CECR2: variants seen among roughly 807,000 people sequenced by gnomAD.
CECR2 encodes CECR2 histone acetyl-lysine reader.
In CECR2, 30 loss-of-function variants were observed where a neutral mutation model predicts 154.5. That is an observed-to-expected ratio of 0.19 (90% CI 0.15 to 0.26). The LOEUF (loss-of-function observed/expected upper bound fraction) is 0.26. Ranked by LOEUF, CECR2 falls within the 10% of genes least tolerant of loss-of-function variation. The pLI is 1.00. For missense variants in CECR2, 1,743 were observed against 1,829.3 expected (o/e 0.95, Z 0.86); for synonymous variants, 725 against 683.7 (o/e 1.06, Z -0.94).
chr22:17,498,561 C>T (rs1032915008), intron 3 of CECR2, among the ~76,000 whole-genome samples: 4 of 152,070 alleles, frequency 2.6e-5, no homozygotes, highest in Non-Finnish European at 5.9e-5. Flanking sequence ...TAATTTAGCA[C>T]GGTCTTTGCT....
chr22:17,511,967 A>G, intron 8 of CECR2, 71 bp downstream of exon 8: 3 of 1,146,672 alleles, frequency 2.6e-6, no homozygotes, highest in Non-Finnish European at 3.7e-6. Context: ...ATGTACTTCC[A>G]TTCCTGCCTT....
At chr22:17,431,678 G>C (rs985935897) in intron 1 of CECR2, among the ~76,000 whole-genome samples, 2 of 151,920 alleles carry the variant, frequency 1.3e-5, no homozygotes, top group African/African-American at 4.8e-5. Context: ...AGTATCATTG[G>C]AGCATGACTT....
chr22:17,511,734 G>GGCAGCA lies in CECR2; in HGVS notation c.871-66_871-61dup, dbSNP rs112072502. 1.3e-5 allele frequency: 16 copies of GGCAGCA among 1,257,288 alleles called. No individual in the cohort carries two copies. In the East Asian group the frequency reaches 2.4e-4, roughly 19 times the overall value. 77.9% of individuals were successfully genotyped at this position (1,257,288 alleles called of 1,614,324 possible). Reference sequence around the variant, plus strand: ...CCTCATTGGCCACTTTTTTACTGGCGGCAGCAGCAGCAGCAGCATCAGTAG... The same window carrying GGCAGCA: ...CCTCATTGGCCACTTTTTTACTGGCGGCAGCAGCAGCAGCAGCAGCAGCATCAGTAG... On this transcript the variant is annotated intron_variant, in intron 7 of 18. Coordinates refer to ENST00000262608, the MANE Select transcript of CECR2 (RefSeq NM_001290047.2).
intron 1 of CECR2, among the ~76,000 whole-genome samples, chr22:17,472,191 G>A (rs978908794): frequency 6.6e-6 from 1 of 152,180 alleles, no homozygotes; most frequent in Admixed American, 6.5e-5. Flanking sequence ...TATGTAGCTG[G>A]TTTCAGGTCC....
chr22:17,460,999 G>A (rs988525925), intron 1 of CECR2, among the ~76,000 whole-genome samples: 4 of 152,122 alleles, frequency 2.6e-5, no homozygotes, highest in Admixed American at 2.0e-4. Flanking sequence ...GACCTGTTTG[G>A]GGGTGCTGTG....
At position 17,376,874 on chromosome 22, in the gene CECR2, G is replaced by A. The variant is rs1009939630; in HGVS notation, c.126+6965G>A. ...GCTGGTCTCAAACTCCTGACCTCGTGATCCACCCTCCTCGGCCTCCCAAAG... is the reference window on the plus strand; with the variant it reads ...GCTGGTCTCAAACTCCTGACCTCGTAATCCACCCTCCTCGGCCTCCCAAAG... On this transcript the variant is annotated intron_variant, in intron 1 of 18. Coordinates refer to ENST00000262608, the MANE Select transcript of CECR2 (RefSeq NM_001290047.2). Among the ~76,000 whole-genome samples, 12 of 152,188 alleles carry A rather than the reference G, an allele frequency of 7.9e-5. 1 individual carries two copies. The South Asian group carries it at 1.4e-3, about 18-fold the overall frequency.
At chr22:17,535,899 A>G (rs1188138016) in intron 9 of CECR2, among the ~76,000 whole-genome samples, 1 of 152,216 alleles carries the variant, frequency 6.6e-6, no homozygotes, top group Non-Finnish European at 1.5e-5. Context: ...TGCTCACAGC[A>G]GTAGTCAGGC....
At chr22:17,416,147 G>T (rs2054153506) in intron 1 of CECR2, among the ~76,000 whole-genome samples, 1 of 152,164 alleles carries the variant, frequency 6.6e-6, no homozygotes, top group Non-Finnish European at 1.5e-5. Context: ...CTTTGAATAT[G>T]GCTCTCTAAA....
intron 1 of CECR2, among the ~76,000 whole-genome samples, chr22:17,465,557 T>C (rs1259388422): frequency 2.0e-5 from 3 of 152,146 alleles, no homozygotes; most frequent in African/African-American, 7.2e-5. Flanking sequence ...CATTCTTGGC[T>C]CACTGCAACT....
chr22:17,473,886 C>G (rs1433926034), intron 1 of CECR2, among the ~76,000 whole-genome samples: 2 of 152,310 alleles, frequency 1.3e-5, no homozygotes, highest in African/African-American at 4.8e-5. Flanking sequence ...GATCAGCCAG[C>G]ATTTTAACTG....
At chr22:17,546,485 C>CAAAAAAAAAAAAAAAAAAAAAAAAAA (rs35754406) in intron 16 of CECR2, among the ~76,000 whole-genome samples, 1 of 67,656 alleles carries the variant, frequency 1.5e-5, no homozygotes, top group African/African-American at 5.2e-5. Flanking sequence ...GACTCTGTCT[C>CAAAAAAAAAAAAAAAAAAAAAAAAAA]AAAAAAAAAA....
rs550818970 is a variant in CECR2 at position 17,410,453 on chromosome 22, T to C, written c.126+40544T>C. On this transcript the variant is annotated intron_variant, in intron 1 of 18. Coordinates refer to ENST00000262608, the MANE Select transcript of CECR2 (RefSeq NM_001290047.2). ...AAACAAGCGTTTTTTTGTTTTGTTT[T>C]GTTTTTTGTTTTTTGAGACAGTCTC... is the stretch of plus-strand genomic sequence containing the variant. 2.0e-5 allele frequency among the ~76,000 whole-genome samples: 3 copies of C among 152,116 alleles called. No homozygotes were observed. The South Asian group carries it at 6.3e-4, about 32-fold the overall frequency.
chr22:17,417,586 A>G (rs576907035), intron 1 of CECR2, among the ~76,000 whole-genome samples: 1 of 152,260 alleles, frequency 6.6e-6, no homozygotes, highest in African/African-American at 2.4e-5. Context: ...GACTATAGGC[A>G]GCATTCCACA....
intron 16 of CECR2, among the ~76,000 whole-genome samples, chr22:17,545,274 C>T (rs1286152237): frequency 6.9e-6 from 1 of 145,460 alleles, no homozygotes; most frequent in Non-Finnish European, 1.5e-5. Context: ...ACTTGGGAGG[C>T]TGGGTCATGA....
chr22:17,422,135 T>C (rs1181415284), intron 1 of CECR2, among the ~76,000 whole-genome samples: 2 of 152,140 alleles, frequency 1.3e-5, no homozygotes, highest in Non-Finnish European at 2.9e-5. Flanking sequence ...GGATGTTTTC[T>C]TTCTTTTCTT....
intron 8 of CECR2, among the ~76,000 whole-genome samples, chr22:17,521,962 C>T (rs2056166582): frequency 6.6e-6 from 1 of 152,164 alleles, no homozygotes; most frequent in Non-Finnish European, 1.5e-5. Context: ...TTTCAGCTTT[C>T]TACATATGGC....
At chr22:17,545,243 T>C (rs1042489632) in intron 16 of CECR2, among the ~76,000 whole-genome samples, 1 of 151,062 alleles carries the variant, frequency 6.6e-6, no homozygotes, top group African/African-American at 2.4e-5. Context: ...GACGTGATGG[T>C]AGAGGCCTGT....
chr22:17,483,866 A>C (rs1365881488), intron 2 of CECR2, among the ~76,000 whole-genome samples: 1 of 152,232 alleles, frequency 6.6e-6, no homozygotes, highest in East Asian at 1.9e-4. Context: ...TAGTTCTGCA[A>C]GCTGCACTCA....
chr22:17,430,339 C>T (rs2054402647), intron 1 of CECR2, among the ~76,000 whole-genome samples: 1 of 152,142 alleles, frequency 6.6e-6, no homozygotes, highest in Non-Finnish European at 1.5e-5. Context: ...AGAAAGGGCC[C>T]TACCTTTCTG....
Sources: allele counts gnomAD v4.1 joint callset (sites outside exome capture counted in the v4.1 genomes callset), GRCh38; gene constraint gnomAD v4.1.1; transcripts MANE v1.5; gene names NCBI Gene and HGNC (gene_info 2026-07-23, HGNC 2026-07-21).